PTGES2: variants seen among roughly 807,000 people sequenced by gnomAD.
The protein encoded by PTGES2 is GATE-binding factor 1.
A neutral mutation model predicts 44.5 loss-of-function variants in PTGES2; 35 were observed. That is an observed-to-expected ratio of 0.79 (90% CI 0.60 to 1.04). The LOEUF (loss-of-function observed/expected upper bound fraction) is 1.04, where lower values mean the gene tolerates loss of function less well. PTGES2 is among the 50% of genes least tolerant of loss of function. PTGES2 has a pLI of 0.00. For missense variants in PTGES2, 517 were observed against 521.4 expected (o/e 0.99, Z 0.08); for synonymous variants, 221 against 227.5 (o/e 0.97, Z 0.26).
At position 128,123,897 on chromosome 9, in the gene PTGES2, C is replaced by T. The variant is rs763558531; in HGVS notation, c.537-46G>A. The T allele has an allele frequency of 3.1e-6, 5 of 1,592,114 alleles. No individual in the cohort carries two copies. The South Asian group carries it at 5.6e-5, about 18-fold the overall frequency. ...TCACCCCAACTCCTTCCCCCTCCGT[C>T]CCCTGTGGCCGACCAACCCCGCTGC... is the stretch of plus-strand genomic sequence containing the variant. On this transcript the variant is annotated intron_variant, in intron 3 of 6. Coordinates refer to ENST00000338961, the MANE Select transcript of PTGES2 (RefSeq NM_025072.7). This position sits in a 1 kb window ranked among gnomAD's most constrained non-coding sequence, Gnocchi z 4.4.
At chr9:128,127,839 A>T, upstream of PTGES2, 1 of 979,856 alleles carries the variant, frequency 1.0e-6, no homozygotes, top group Non-Finnish European at 1.3e-6. Flanking sequence ...ACGCTAAGGG[A>T]ACCCTCAGCG....
intron 3 of PTGES2, among the ~76,000 whole-genome samples, chr9:128,124,106 G>A (rs1359499442): frequency 2.7e-5 from 4 of 150,176 alleles, no homozygotes; most frequent in African/African-American, 7.4e-5. Context: ...TTTTTGAGAC[G>A]GAGTCTCGCT....
chr9:128,122,852 C>CCA, intron 5 of PTGES2, 82 bp downstream of exon 5: 1 of 1,474,740 alleles, frequency 6.8e-7, no homozygotes. Flanking sequence ...CGCTGGTCTC[C>CCA]TGAGGGGTGT....
chr9:128,128,093 C>T (rs60822501), upstream of PTGES2: 951 of 361,332 alleles, frequency 2.6e-3, 13 homozygotes, highest in African/African-American at 0.019. Flanking sequence ...CAAAACAACT[C>T]CAGCCCTTCC....
rs1834385375 is a variant in PTGES2 at position 128,120,971 on chromosome 9, T to C, written c.*174A>G. On this transcript the variant is annotated 3_prime_UTR_variant, in exon 7 of 7. Coordinates refer to ENST00000338961, the MANE Select transcript of PTGES2 (RefSeq NM_025072.7). ...GCAGGGCTGGAACTCGTCCCTAACA[T>C]CCCTGAGCCCCAGCAGGTGCCCTGT... 1 of 813,336 alleles carries C rather than the reference T, an allele frequency of 1.2e-6. No individual in the cohort carries two copies. The highest frequency in any genetic ancestry group is 1.7e-5 in the African/African-American group (1 of 57,440). 50.4% of individuals were successfully genotyped at this position (813,336 alleles called of 1,614,324 possible).
Position 128,123,868 on chromosome 9 carries a change from A to G in PTGES2, c.537-17T>C. On this transcript the variant is annotated splice_polypyrimidine_tract_variant and intron_variant, in intron 3 of 6. Transcript: ENST00000338961. The surrounding 1 kb of genome is among the most constrained non-coding windows in gnomAD (Gnocchi z 4.4). ...AGGGGCTGCCTTCGGAGAGAGCCAC[A>G]ATATCACCCCAACTCCTTCCCCCTC... is the stretch of plus-strand genomic sequence containing the variant. 1 of 1,610,236 alleles carries G rather than the reference A, an allele frequency of 6.2e-7. No individual in the cohort carries two copies. The highest frequency in any genetic ancestry group is 8.5e-7 in the Non-Finnish European group (1 of 1,177,130).
chr9:128,127,968 A>AGT, upstream of PTGES2: 1 of 446,150 alleles, frequency 2.2e-6, no homozygotes, highest in South Asian at 3.7e-5. Flanking sequence ...GCTCTTGGGT[A>AGT]GTGACCCGGC....
rs1342162009 is a variant in PTGES2 at position 128,127,432 on chromosome 9, G to A, written c.279+7C>T. On this transcript the variant is annotated splice_region_variant and intron_variant, in intron 1 of 6. Coordinates refer to ENST00000338961, the MANE Select transcript of PTGES2 (RefSeq NM_025072.7). Reference sequence around the variant, plus strand: ...GCATCCCCATCCCCGGCCGGGCCAGGCCTTACCTGCGCGGCTGAGCGCTCT... The same window carrying A: ...GCATCCCCATCCCCGGCCGGGCCAGACCTTACCTGCGCGGCTGAGCGCTCT... The A allele has an allele frequency of 7.3e-7, 1 of 1,365,944 alleles. No homozygotes were observed. The highest frequency in any genetic ancestry group is 9.5e-7 in the Non-Finnish European group (1 of 1,056,728). 84.6% of individuals were successfully genotyped at this position (1,365,944 alleles called of 1,614,324 possible).
At chr9:128,127,127 C>G (rs1372553528) in intron 1 of PTGES2, among the ~76,000 whole-genome samples, 1 of 132,276 alleles carries the variant, frequency 7.6e-6, no homozygotes, top group Non-Finnish European at 1.5e-5. Context: ...TGCAGTGAGC[C>G]GCGATCGCAC....
chr9:128,127,190 C>CAAA (rs1834652522), intron 1 of PTGES2, among the ~76,000 whole-genome samples: 1 of 972 alleles, frequency 1.0e-3, no homozygotes, highest in Non-Finnish European at 0.012. Flanking sequence ...AATAAACAAA[C>CAAA]CAAAAAAAAA....
At chr9:128,128,200 T>A (rs941866378), upstream of PTGES2, 7 of 391,082 alleles carry the variant, frequency 1.8e-5, no homozygotes, top group Non-Finnish European at 3.1e-5. Context: ...CCCTCCCGCC[T>A]CATTGTCCGC....
chr9:128,124,978 T>C, intron 2 of PTGES2: 2 of 790,402 alleles, frequency 2.5e-6, no homozygotes, highest in Non-Finnish European at 3.6e-6. Flanking sequence ...GAATCACACC[T>C]CAAACCCAGA....
At position 128,127,591 on chromosome 9, in the gene PTGES2, C is replaced by A. The variant is rs1423188470; in HGVS notation, c.127G>T (p.Gly43Cys). 1.6e-6 allele frequency: 2 copies of A among 1,272,980 alleles called. No homozygotes were observed. Among genetic ancestry groups the A allele is most frequent in the Non-Finnish European group, 9.9e-7 (1 of 1,010,830 alleles). 78.9% of individuals were successfully genotyped at this position (1,272,980 alleles called of 1,614,324 possible). The stretch of plus-strand genomic sequence containing the variant: ...GCTGCAGCCACGGGGCTCGGGCCGC[C>A]CGCCGCCCCCGCGAAGCCAGCCCGG... ...QSRAGFAGAAGGPSPVAAARK... is the reference protein window; with the variant it reads ...QSRAGFAGAACGPSPVAAARK... The change falls in exon 1 of 7, where the codon GGC (glycine) becomes TGC (cysteine). Residue 43 changes from glycine (G) to cysteine (C), a missense_variant. By Grantham distance (159) the Gly-to-Cys change is radical. Transcript: ENST00000338961.
chr9:128,128,374 G>C, upstream of PTGES2: 1 of 456,218 alleles, frequency 2.2e-6, no homozygotes, highest in Non-Finnish European at 4.4e-6. Context: ...CTTCTGCTGG[G>C]CTCCCCCGCC....
chr9:128,121,454 G>A (rs55766825), intron 6 of PTGES2, among the ~76,000 whole-genome samples, 181 bp from the exon 7 acceptor site: 2,331 of 152,222 alleles, frequency 0.015, 22 homozygotes, highest in Middle Eastern at 0.034. Flanking sequence ...TGCAGGTCTC[G>A]CCTGCTTCAC....
upstream of PTGES2, chr9:128,127,908 A>G: frequency 2.1e-6 from 1 of 487,016 alleles, no homozygotes; most frequent in African/African-American, 2.0e-5. Flanking sequence ...AGAGCCGCAG[A>G]GGCCCGCTCG....
Position 128,125,318 on chromosome 9 carries a change from C to G in PTGES2, c.403G>C (p.Val135Leu), listed in dbSNP as rs1185666919. The G allele has an allele frequency of 1.9e-6, 3 of 1,614,066 alleles. No individual in the cohort carries two copies. In the South Asian group the frequency reaches 3.3e-5, roughly 18 times the overall value. The change falls in exon 2 of 7, where the codon GTG (valine) becomes CTG (leucine). Residue 135 changes from valine (V) to leucine (L), a missense_variant. Transcript: ENST00000338961. ...LPYQVVEVNP[V>L]RRAEIKFSSY... The stretch of plus-strand genomic sequence containing the variant: ...GAGAACTTGATCTCAGCCCTGCGCA[C>G]AGGGTTCACCTCCACCACCTGGTAG...
rs371657859 is a variant in PTGES2, at chr9:128,120,777, G to A, written c.*368C>T. On this transcript the variant is annotated 3_prime_UTR_variant, in exon 7 of 7. Transcript: ENST00000338961. ...CAGTCCCGGGAGGCTTGGGAAGAGT[G>A]GGAACCAGGGGAACCCAGGGATGGG... 4.8e-4 allele frequency: 109 copies of A among 227,986 alleles called. No individual in the cohort carries two copies. Among genetic ancestry groups the A allele is most frequent in the African/African-American group, 2.3e-3 (101 of 43,614 alleles). 14.1% of individuals were successfully genotyped at this position (227,986 alleles called of 1,614,324 possible). A position where few individuals can be genotyped will look rare whatever the true frequency, so the allele number is the denominator to read the frequency against.
At position 128,123,218 on chromosome 9, in the gene PTGES2, C is replaced by A; in HGVS notation, c.687-84G>T. On this transcript the variant is annotated intron_variant, in intron 4 of 6. Transcript: ENST00000338961. This position sits in a 1 kb window ranked among gnomAD's most constrained non-coding sequence, Gnocchi z 4.4. The stretch of plus-strand genomic sequence containing the variant: ...CATTCTCTAGAACATACCCACTGCA[C>A]GGGCGGGAAGCTGAAGCCTGAGCAG... The A allele has an allele frequency of 7.6e-7, 1 of 1,318,432 alleles. No homozygotes were observed. The allele number at this position is 1,318,432 out of a possible 1,614,324, so 81.7% of individuals were successfully genotyped here.
Sources: gnomAD v4.1 joint callset for allele counts (sites outside exome capture counted in the v4.1 genomes callset) on GRCh38, gnomAD v4.1.1 for gene constraint, Gnocchi (gnomAD v3.1) non-coding constraint, MANE v1.5 for transcripts, NCBI Gene and HGNC (gene_info 2026-07-23, HGNC 2026-07-21) for gene names.